Variants in PDZD2 observed in about 807,000 individuals in gnomAD.
PDZD2 encodes PDZ domain-containing protein 2.
In PDZD2, 90 loss-of-function variants were observed where a neutral mutation model predicts 220.7. The observed-to-expected ratio is 0.41, with a 90% CI of 0.34 to 0.49. PDZD2 has a LOEUF of 0.49. Ranked by LOEUF, PDZD2 falls within the 20% of genes least tolerant of loss-of-function variation. The pLI, the probability that PDZD2 is intolerant of heterozygous loss-of-function variation, is 0.28. For synonymous variants in PDZD2, 1,375 were observed against 1,450.5 expected (o/e 0.95, Z 1.18); for missense variants, 3,174 against 3,608.5 (o/e 0.88, Z 3.08).
At position 31,689,328 on chromosome 5, in the gene PDZD2, TAC is replaced by T. The variant is rs1561385035; in HGVS notation, c.-361+49893_-361+49894del. Among the ~76,000 whole-genome samples, 34 of 63,504 alleles carry T rather than the reference TAC, an allele frequency of 5.4e-4. 1 individual carries two copies. Among genetic ancestry groups the T allele is most frequent in the African/African-American group, 3.4e-3 (34 of 9,884 alleles). 41.7% of individuals were successfully genotyped at this position (63,504 alleles called of 152,430 possible). A position where few individuals can be genotyped will look rare whatever the true frequency, so the allele number is the denominator to read the frequency against. On this transcript the variant is annotated intron_variant, in intron 1 of 24. Coordinates refer to ENST00000438447, the MANE Select transcript of PDZD2 (RefSeq NM_178140.4). ...ACATACATACATATACACATATATA[TAC>T]ATATACATATATATATATATATATT...
chr5:32,052,789 GTTTTA>G (rs1738698483), intron 9 of PDZD2, 59 bp downstream of exon 9: 12 of 1,560,746 alleles, frequency 7.7e-6, no homozygotes, highest in African/African-American at 1.4e-5. Context: ...CACATTTTTT[GTTTTA>G]TTTTATTTTA....
intron 1 of PDZD2, among the ~76,000 whole-genome samples, chr5:31,714,213 G>A (rs1035544212): frequency 4.6e-5 from 7 of 152,196 alleles, no homozygotes; most frequent in African/African-American, 1.4e-4. Context: ...GCCTGGATTG[G>A]ACATAAGGGT....
intron 2 of PDZD2, among the ~76,000 whole-genome samples, chr5:31,856,985 C>G (rs940239733): frequency 6.6e-6 from 1 of 151,782 alleles, no homozygotes; most frequent in African/African-American, 2.4e-5. Flanking sequence ...AGGGACAGTA[C>G]TCACTCACCT....
At chr5:31,774,660 G>C (rs1484641800) in intron 1 of PDZD2, among the ~76,000 whole-genome samples, 1 of 151,590 alleles carries the variant, frequency 6.6e-6, no homozygotes, top group African/African-American at 2.4e-5. Flanking sequence ...AGGTTGCAGT[G>C]AGCCAAGATC....
intron 15 of PDZD2, 70 bp downstream of exon 15, chr5:32,069,720 C>A: frequency 1.3e-6 from 1 of 791,804 alleles, no homozygotes; most frequent in African/African-American, 1.7e-5. Context: ...CAGGCACTCC[C>A]CAGTGCAGTA....
intron 2 of PDZD2, among the ~76,000 whole-genome samples, chr5:31,830,747 G>GT (rs1192225744): frequency 2.0e-5 from 3 of 152,150 alleles, no homozygotes; most frequent in Non-Finnish European, 4.4e-5. Flanking sequence ...AAAGTTACAT[G>GT]TTTTTTCATG....
At chr5:31,899,152 A>G (rs1165848852) in intron 2 of PDZD2, among the ~76,000 whole-genome samples, 1 of 151,418 alleles carries the variant, frequency 6.6e-6, no homozygotes, top group Non-Finnish European at 1.5e-5. Context: ...TTTGAGATGG[A>G]GTTTTGCTCT....
chr5:32,074,569 C>T lies in PDZD2; in HGVS notation c.3463C>T (p.Leu1155=). 1 of 1,613,964 alleles carries T rather than the reference C, an allele frequency of 6.2e-7. No individual in the cohort carries two copies. The highest frequency in any genetic ancestry group is 8.5e-7 in the Non-Finnish European group (1 of 1,179,992). ...LTGRANDPCD[L]DSRVQATSVK... ...TGGCAGAGCCAATGATCCATGCGAT[C>T]TGGACTCGAGAGTCCAGGCCACTTC... Residue 1155 remains leucine, a synonymous_variant, in exon 18 of 25, where the codon CTG becomes TTG. Coordinates refer to ENST00000438447, the MANE Select transcript of PDZD2 (RefSeq NM_178140.4).
At chr5:31,833,732 T>A (rs1756775976) in intron 2 of PDZD2, among the ~76,000 whole-genome samples, 1 of 152,138 alleles carries the variant, frequency 6.6e-6, no homozygotes, top group Admixed American at 6.5e-5. Flanking sequence ...TCTAGAGACC[T>A]CTGTAAAACC....
Position 31,799,629 on chromosome 5 carries a change from C to T in PDZD2, c.381C>T (p.Asn127=), listed in dbSNP as rs571951443. 2.5e-4 allele frequency: 399 copies of T among 1,614,098 alleles called. 4 individuals carry two copies. The South Asian group carries it at 4.1e-3, about 17-fold the overall frequency. Residue 127 remains asparagine, a synonymous_variant, in exon 2 of 25, where the codon AAC becomes AAT. Transcript: ENST00000438447. ...GCIWVTELRK[N]SPAGKSGKVR... ...TCTGGGTGACAGAGCTGAGGAAGAA[C>T]AGCCCAGCAGGGAAGAGTGGGAAGG...
At chr5:32,006,744 C>T (rs922443176) in intron 5 of PDZD2, among the ~76,000 whole-genome samples, 6 of 135,250 alleles carry the variant, frequency 4.4e-5, no homozygotes, top group African/African-American at 1.8e-4. Flanking sequence ...GACTGCAGTG[C>T]GGTGGTACAA....
chr5:31,817,224 T>C (rs1580814735), intron 2 of PDZD2, among the ~76,000 whole-genome samples: 2 of 145,830 alleles, frequency 1.4e-5, no homozygotes, highest in African/African-American at 5.1e-5. Flanking sequence ...CCTGGTGTGG[T>C]GGCTCACACC....
rs1740558061 is a variant in PDZD2 at position 32,069,575 on chromosome 5, G to A, written c.2458G>A (p.Glu820Lys). 1.3e-6 allele frequency: 2 copies of A among 1,581,106 alleles called. No homozygotes were observed. The highest frequency in any genetic ancestry group is 1.7e-6 in the Non-Finnish European group (2 of 1,150,252). Residue 820 changes from glutamate to lysine, a missense_variant, in exon 15 of 25, where the codon GAG becomes AAG. Around this residue, in one of 4 missense-constraint regions of PDZD2, gnomAD observed 1,861 missense variants for 2,001.0 expected, o/e 0.93. Coordinates refer to ENST00000438447, the MANE Select transcript of PDZD2 (RefSeq NM_178140.4). The stretch of plus-strand genomic sequence containing the variant: ...GCTTTCTGCTGAAAATCAGGTTTCC[G>A]AGCAGGAAATGGATGAAGTCATAGC... ...IGRHPNPKVS[E>K]QEMDEVIARS... is the part of the protein sequence containing the mutation.
chr5:31,962,249 T>C (rs1404443470), intron 2 of PDZD2, among the ~76,000 whole-genome samples: 1 of 152,212 alleles, frequency 6.6e-6, no homozygotes, highest in Non-Finnish European at 1.5e-5. Flanking sequence ...TTCTCTTTCC[T>C]TTAAGTCATT....
rs544820162 is a variant in PDZD2, at chr5:32,086,572, G to A, written c.3683-559G>A. Among the ~76,000 whole-genome samples the A allele has an allele frequency of 9.8e-5, 15 of 152,302 alleles. No individual in the cohort carries two copies. The South Asian group carries it at 2.7e-3, about 27-fold the overall frequency. On this transcript the variant is annotated intron_variant, in intron 19 of 24. Coordinates refer to ENST00000438447, the MANE Select transcript of PDZD2 (RefSeq NM_178140.4). The stretch of plus-strand genomic sequence containing the variant: ...GAGTTCTCTTAGAGCGTCTAAAGCA[G>A]GGTGGTATTTGTTAGATGTGGGTAC...
intron 5 of PDZD2, among the ~76,000 whole-genome samples, chr5:32,006,936 G>T (rs1228619985): frequency 2.9e-4 from 10 of 34,138 alleles, no homozygotes; most frequent in Non-Finnish European, 6.1e-4. Flanking sequence ...TTTTTTTTGA[G>T]ACGGAGTCTC....
chr5:32,018,082 G>A (rs1753910630), intron 6 of PDZD2, among the ~76,000 whole-genome samples: 1 of 152,202 alleles, frequency 6.6e-6, no homozygotes, highest in Admixed American at 6.5e-5. Context: ...AGGACAAAGA[G>A]ATGAATGCAG....
In PDZD2 at chr5:32,037,312, A is replaced by T. The variant is rs892963479; in HGVS notation, c.1489A>T (p.Asn497Tyr). ...GNLESPKQGS[N>Y]KIKLKSRLSG... ...CTTGGAAAGTCCCAAACAGGGCAGCAATAAAATCAAGCTCAAGAGTCGCCT... is the reference window on the plus strand; with the variant it reads ...CTTGGAAAGTCCCAAACAGGGCAGCTATAAAATCAAGCTCAAGAGTCGCCT... Residue 497 changes from asparagine to tyrosine, a missense_variant, in exon 7 of 25, where the codon AAT becomes TAT. Physicochemically the swap from Asn to Tyr is moderately radical, Grantham distance 143. Around this residue, in one of 4 missense-constraint regions of PDZD2, gnomAD observed 632 missense variants for 708.1 expected, o/e 0.89. Transcript: ENST00000438447. 3 of 1,612,670 alleles carry T rather than the reference A, an allele frequency of 1.9e-6. No individual in the cohort carries two copies. The highest frequency in any genetic ancestry group is 2.5e-6 in the Non-Finnish European group (3 of 1,178,644).
intron 1 of PDZD2, among the ~76,000 whole-genome samples, chr5:31,680,969 C>A (rs1228235899): frequency 6.6e-6 from 1 of 152,140 alleles, no homozygotes; most frequent in Non-Finnish European, 1.5e-5. Flanking sequence ...ATTCTGGGGA[C>A]TGGCCAGATC....
Sources: gnomAD v4.1 joint callset for allele counts (sites outside exome capture counted in the v4.1 genomes callset) on GRCh38, gnomAD v4.1.1 for gene constraint, gnomAD v4.1.1 regional missense constraint, MANE v1.5 for transcripts, NCBI Gene and HGNC (gene_info 2026-07-23, HGNC 2026-07-21) for gene names.